The following TFPI variants were observed in gnomAD, a reference collection of about 807,000 sequenced individuals.
The protein encoded by TFPI is anti-convertin.
A neutral mutation model predicts 34.6 loss-of-function variants in TFPI; 15 were observed. The ratio of observed to expected loss-of-function variants is 0.43; its 90% confidence interval spans 0.29 to 0.67. TFPI has a LOEUF of 0.67. TFPI is among the 30% of genes least tolerant of loss of function. The probability of loss-of-function intolerance (pLI) is 0.15; values close to 1 mark genes in which losing one functional copy is unlikely to be tolerated. For synonymous variants in TFPI, 105 were observed against 120.1 expected, an observed-to-expected ratio of 0.87 and a Z score of 0.82; for missense variants, 301 against 364.0, an observed-to-expected ratio of 0.83 and a Z score of 1.41.
chr2:187,493,758 C>G (rs916222689), intron 3 of TFPI, among the ~76,000 whole-genome samples: 1 of 152,148 alleles, frequency 6.6e-6, no homozygotes, highest in South Asian at 2.1e-4. Context: ...CTGCCAGTCT[C>G]TTTGCTAAAA....
intron 1 of TFPI, chr2:187,546,757 T>C (rs1688888103): frequency 6.6e-6 from 1 of 152,138 alleles, no homozygotes; most frequent in Non-Finnish European, 1.5e-5. Flanking sequence ...GATAAGCAAA[T>C]GGTATTTCAG....
At chr2:187,511,259 G>A (rs530643615) in intron 1 of TFPI, among the ~76,000 whole-genome samples, 2 of 152,310 alleles carry the variant, frequency 1.3e-5, no homozygotes, top group South Asian at 2.1e-4. Context: ...TTGAGTGGAA[G>A]CGTGGCCTGA....
chr2:187,526,105 C>T (rs1438020563), intron 1 of TFPI, among the ~76,000 whole-genome samples: 1 of 151,944 alleles, frequency 6.6e-6, no homozygotes, highest in Admixed American at 6.6e-5. Flanking sequence ...TCCTTGAAAA[C>T]CTCTTGGGTA....
chr2:187,509,234 C>T (rs957654756), intron 1 of TFPI, among the ~76,000 whole-genome samples: 4 of 152,148 alleles, frequency 2.6e-5, no homozygotes, highest in African/African-American at 9.7e-5. Context: ...TAATGTTCAT[C>T]AGGGATATTG....
intron 1 of TFPI, among the ~76,000 whole-genome samples, chr2:187,553,173 G>C (rs1477775297): frequency 6.7e-6 from 1 of 149,334 alleles, no homozygotes; most frequent in Non-Finnish European, 1.5e-5. Context: ...AAGTTTTGCA[G>C]TATCTCTCAA....
At chr2:187,512,104 G>T (rs111650675) in intron 1 of TFPI, among the ~76,000 whole-genome samples, 7,156 of 152,100 alleles carry the variant, frequency 0.047, 207 homozygotes, top group Middle Eastern at 0.11. Context: ...CATTGAGGCC[G>T]CTGATAACCC....
At chr2:187,485,018 A>G (rs767065528) in intron 4 of TFPI, 31 bp from the exon 5 acceptor site, 37 of 1,437,268 alleles carry the variant, frequency 2.6e-5, no homozygotes, top group Middle Eastern at 2.0e-4. Context: ...AGAAAGCAAT[A>G]TTCTTTTGTG....
At chr2:187,546,964 T>C (rs939132039) in intron 1 of TFPI, 18 of 152,208 alleles carry the variant, frequency 1.2e-4, no homozygotes, top group African/African-American at 4.1e-4. Flanking sequence ...GGTTCTGGAA[T>C]TCAGGTTGAT....
At chr2:187,475,341 G>C (rs1020825644) in intron 6 of TFPI, among the ~76,000 whole-genome samples, 2 of 152,036 alleles carry the variant, frequency 1.3e-5, no homozygotes, top group African/African-American at 4.8e-5. Flanking sequence ...TGCTATATAT[G>C]TTATTTCAAA....
At chr2:187,506,123 T>C (rs1686201253) in intron 1 of TFPI, among the ~76,000 whole-genome samples, 1 of 152,074 alleles carries the variant, frequency 6.6e-6, no homozygotes, top group Admixed American at 6.6e-5. Flanking sequence ...GATGAATCCA[T>C]GCACCAACTT....
At chr2:187,535,820 A>C (rs566488936) in intron 1 of TFPI, among the ~76,000 whole-genome samples, 2 of 152,314 alleles carry the variant, frequency 1.3e-5, no homozygotes, top group Admixed American at 1.3e-4. Context: ...GATTAACAAA[A>C]TAGACAGACC....
chr2:187,488,272 C>A (rs1340648539), intron 4 of TFPI, 65 bp downstream of exon 4: 1 of 1,382,696 alleles, frequency 7.2e-7, no homozygotes, highest in Non-Finnish European at 9.9e-7. Flanking sequence ...AGCAAACAAA[C>A]AAAAAATTGA....
intron 1 of TFPI, among the ~76,000 whole-genome samples, chr2:187,535,130 A>G (rs1029280771): frequency 6.6e-6 from 1 of 152,104 alleles, no homozygotes; most frequent in Non-Finnish European, 1.5e-5. Flanking sequence ...CTCCCACACA[A>G]TAATAGTGGG....
At chr2:187,533,420 A>T (rs1424658435) in intron 1 of TFPI, among the ~76,000 whole-genome samples, 1 of 152,176 alleles carries the variant, frequency 6.6e-6, no homozygotes, top group Non-Finnish European at 1.5e-5. Context: ...ACCCAGGCAA[A>T]CAGGGTCTGG....
chr2:187,516,368 C>A, intron 1 of TFPI: 1 of 152,168 alleles, frequency 6.6e-6, no homozygotes, highest in East Asian at 1.9e-4. Context: ...TGGTTTCCAG[C>A]ACTAAAAGGA....
chr2:187,507,689 C>A (rs1168794357), intron 1 of TFPI, among the ~76,000 whole-genome samples: 1 of 151,856 alleles, frequency 6.6e-6, no homozygotes, highest in Non-Finnish European at 1.5e-5. Context: ...TGTTTAAGTT[C>A]TTTGTAGATC....
At chr2:187,481,993 C>T (rs182139228) in intron 6 of TFPI, among the ~76,000 whole-genome samples, 2 of 152,134 alleles carry the variant, frequency 1.3e-5, no homozygotes, top group East Asian at 3.9e-4. Flanking sequence ...CTAAAGAAGA[C>T]ATATCAGAGG....
chr2:187,513,005 A>G (rs35721125), intron 1 of TFPI, among the ~76,000 whole-genome samples: 35,222 of 152,104 alleles, frequency 0.23, 4,196 homozygotes, highest in Middle Eastern at 0.29. Flanking sequence ...ATGTAAAACT[A>G]TTGAAGAAAC....
chr2:187,549,980 T>C (rs550944457), intron 1 of TFPI, among the ~76,000 whole-genome samples: 32 of 152,216 alleles, frequency 2.1e-4, no homozygotes, highest in African/African-American at 7.7e-4. Context: ...ATTTGTACAT[T>C]TGTTCCACCA....
Sources: gnomAD v4.1 joint callset for allele counts (sites outside exome capture counted in the v4.1 genomes callset) on GRCh38, gnomAD v4.1.1 for gene constraint, MANE v1.5 for transcripts, NCBI Gene and HGNC (gene_info 2026-07-23, HGNC 2026-07-21) for gene names.